Variants in CLTRN observed in about 807,000 individuals in gnomAD.
CLTRN encodes collectrin, amino acid transport regulator.
In CLTRN, 12 loss-of-function variants were observed where a neutral mutation model predicts 14.5. The observed-to-expected ratio is 0.83, with a 90% confidence interval of 0.53 to 1.34. The LOEUF (loss-of-function observed/expected upper bound fraction) is 1.34, where lower values mean the gene tolerates loss of function less well. CLTRN is among the 40% of genes most tolerant of loss of function. CLTRN has a pLI of 0.00. For missense variants in CLTRN, 154 were observed against 165.1 expected (o/e 0.93, Z 0.37); for synonymous variants, 58 against 56.5 (o/e 1.03, Z -0.12).
At chrX:15,675,383 G>A (rs1184286371), upstream of CLTRN, among the ~76,000 whole-genome samples, 3 of 109,600 alleles carry the variant, frequency 2.7e-5, no homozygotes, top group African/African-American at 6.7e-5. Context: ...AAGGGAAGTA[G>A]GGACATGACG....
In CLTRN at chrX:15,645,041, G is replaced by A. The variant is rs1352097837; in HGVS notation, c.204-12C>T. On this transcript the variant is annotated splice_polypyrimidine_tract_variant and intron_variant, in intron 3 of 5. Coordinates refer to ENST00000380342, the MANE Select transcript of CLTRN (RefSeq NM_020665.6). ...GGACATGGGAAATTCTGCAGACAGT[G>A]GAAAGAAAAAATACATGAGAAGAAT... 1 of 1,083,662 alleles carries A rather than the reference G, an allele frequency of 9.2e-7. No homozygotes were observed. Among genetic ancestry groups the A allele is most frequent in the Middle Eastern group, 2.5e-4 (1 of 3,986 alleles). 89.3% of individuals were successfully genotyped at this position (1,083,662 alleles called of 1,213,427 possible).
At chrX:15,631,047 C>T (rs771881069) in intron 5 of CLTRN, among the ~76,000 whole-genome samples, 9 of 112,020 alleles carry the variant, frequency 8.0e-5, no homozygotes, top group Admixed American at 1.9e-4. Flanking sequence ...GAGATACAGT[C>T]CTTGTCCTAA....
chrX:15,665,636 A>G (rs1008689433), upstream of CLTRN, among the ~76,000 whole-genome samples: 1 of 112,454 alleles, frequency 8.9e-6, no homozygotes, highest in African/African-American at 3.2e-5. Flanking sequence ...GAGGCCATTG[A>G]GCACTGGAAA....
In CLTRN at chrX:15,630,865, G is replaced by T. The variant is rs1369390631; in HGVS notation, c.513-2738C>A. Among the ~76,000 whole-genome samples, 4 of 111,809 alleles carry T rather than the reference G, an allele frequency of 3.6e-5. No individual in the cohort carries two copies. The East Asian group carries it at 1.1e-3, about 32-fold the overall frequency. ...CTTCCAGGTGAAATTACCCACCAGA[G>T]GATTAGAACACTTTGGTTCCTCTTC... On this transcript the variant is annotated intron_variant, in intron 5 of 5. Coordinates refer to ENST00000380342, the MANE Select transcript of CLTRN (RefSeq NM_020665.6).
At chrX:15,669,568 C>T (rs771048686), upstream of CLTRN, among the ~76,000 whole-genome samples, 10 of 112,073 alleles carry the variant, frequency 8.9e-5, no homozygotes, top group Non-Finnish European at 1.7e-4. Flanking sequence ...AAAGCACTTT[C>T]TGGGCACATA....
chrX:15,656,877 A>G (rs975166169), intron 3 of CLTRN, among the ~76,000 whole-genome samples: 4 of 111,123 alleles, frequency 3.6e-5, no homozygotes, highest in African/African-American at 1.3e-4. Context: ...CCAGTTTTGC[A>G]GTTTTGATTT....
chrX:15,648,291 G>T (rs1167491494), intron 3 of CLTRN, among the ~76,000 whole-genome samples: 1 of 111,840 alleles, frequency 8.9e-6, no homozygotes, highest in Admixed American at 9.5e-5. Flanking sequence ...ATAGCCCAGG[G>T]TTTCTCAACA....
chrX:15,646,570 G>A (rs761107448), intron 3 of CLTRN: 52 of 337,079 alleles, frequency 1.5e-4, no homozygotes, highest in African/African-American at 1.3e-3. Context: ...CACGGGAAGC[G>A]CTGGGTCTGC....
intron 5 of CLTRN, among the ~76,000 whole-genome samples, chrX:15,638,691 A>G (rs929915446): frequency 9.0e-6 from 1 of 111,707 alleles, no homozygotes; most frequent in African/African-American, 3.3e-5. Context: ...TGGTTAACAA[A>G]ATCATGCTGA....
intron 3 of CLTRN, among the ~76,000 whole-genome samples, chrX:15,645,750 ACAATCTATACATGGATGTACT>A (rs1456484275): frequency 8.9e-6 from 1 of 112,233 alleles, no homozygotes; most frequent in Non-Finnish European, 1.9e-5. Context: ...TCAGAGAGAG[ACAATCTATACATGGATGTACT>A]CAGGATGGAA....
At chrX:15,640,372 C>T (rs151133994) in intron 4 of CLTRN, among the ~76,000 whole-genome samples, 2,594 of 112,979 alleles carry the variant, frequency 0.023, 73 homozygotes, top group African/African-American at 0.076. Flanking sequence ...TCTCTGCCTA[C>T]AGGGTAGTCC....
At chrX:15,670,736 T>C (rs1348859544) in intron 1 of CLTRN, among the ~76,000 whole-genome samples, 1 of 111,098 alleles carries the variant, frequency 9.0e-6, no homozygotes, top group Non-Finnish European at 1.9e-5. Context: ...AGGATTCTAC[T>C]GGCATCTAGT....
chrX:15,646,458 A>ACCCCCCCCCCCCCCCCCCCCCCCC, intron 3 of CLTRN: 3 of 228,796 alleles, frequency 1.3e-5, no homozygotes, highest in Non-Finnish European at 2.4e-5. Flanking sequence ...AAAACCGCGC[A>ACCCCCCCCCCCCCCCCCCCCCCCC]CCCACCCCCC....
chrX:15,661,917 G>A (rs1235220157), intron 2 of CLTRN, among the ~76,000 whole-genome samples: 1 of 111,929 alleles, frequency 8.9e-6, no homozygotes, highest in Non-Finnish European at 1.9e-5. Flanking sequence ...ACATGTGCCA[G>A]GACCTTAAAT....
At chrX:15,655,942 A>G (rs1036757840) in intron 3 of CLTRN, among the ~76,000 whole-genome samples, 2 of 111,753 alleles carry the variant, frequency 1.8e-5, no homozygotes, top group African/African-American at 6.5e-5. Context: ...CATCACTCGT[A>G]AGGAATGGGG....
At chrX:15,630,223 T>G (rs921916945) in intron 5 of CLTRN, among the ~76,000 whole-genome samples, 3 of 111,048 alleles carry the variant, frequency 2.7e-5, no homozygotes, top group African/African-American at 9.8e-5. Flanking sequence ...GCTGAATGGA[T>G]GGATGGATGG....
At chrX:15,665,999 C>T (rs1021124390), upstream of CLTRN, among the ~76,000 whole-genome samples, 1 of 111,776 alleles carries the variant, frequency 8.9e-6, no homozygotes, top group Non-Finnish European at 1.9e-5. Flanking sequence ...TGATCAAATA[C>T]CACAGTCTCA....
At chrX:15,650,163 A>G (rs1213503168) in intron 3 of CLTRN, among the ~76,000 whole-genome samples, 1 of 103,588 alleles carries the variant, frequency 9.7e-6, no homozygotes, top group Non-Finnish European at 2.0e-5. Flanking sequence ...CTTGGGAGCA[A>G]TTGCAGGGAA....
chrX:15,633,299 T>C (rs968736610), intron 5 of CLTRN, among the ~76,000 whole-genome samples: 15 of 112,538 alleles, frequency 1.3e-4, no homozygotes, highest in African/African-American at 4.8e-4. Context: ...ATATTATGCA[T>C]ATTTTATTAT....
Sources: gnomAD v4.1 joint callset for allele counts (sites outside exome capture counted in the v4.1 genomes callset) on GRCh38, gnomAD v4.1.1 for gene constraint, MANE v1.5 for transcripts, NCBI Gene and HGNC (gene_info 2026-07-23, HGNC 2026-07-21) for gene names.